Variants in TTLL4 observed in about 807,000 individuals in gnomAD.
TTLL4 encodes tubulin tyrosine ligase like 4.
In TTLL4, 85 loss-of-function variants were observed where a neutral mutation model predicts 122.7. The observed-to-expected ratio is 0.69, with a 90% confidence interval of 0.58 to 0.83. The LOEUF is 0.83. Among genes scored for constraint, TTLL4 ranks in the 40% least tolerant of loss-of-function variants. TTLL4 has a pLI of 0.00. For synonymous variants in TTLL4, 553 were observed against 563.0 expected, an observed-to-expected ratio of 0.98 and a Z score of 0.25; for missense variants, 1,363 against 1,488.6, an observed-to-expected ratio of 0.92 and a Z score of 1.39.
chr2:218,753,334 G>A, intron 18 of TTLL4, 149 bp downstream of exon 18: 1 of 985,544 alleles, frequency 1.0e-6, no homozygotes, highest in South Asian at 1.4e-5. Context: ...TCCTTTCAAG[G>A]GAATAGTTGC....
Position 218,744,603 on chromosome 2 carries a change from A to G in TTLL4, c.1662-506A>G, listed in dbSNP as rs1207472431. 7.2e-5 allele frequency among the ~76,000 whole-genome samples: 11 copies of G among 152,240 alleles called. No individual in the cohort carries two copies. In the East Asian group the frequency reaches 1.9e-3, roughly 27 times the overall value. On this transcript the variant is annotated intron_variant, in intron 5 of 19. Transcript: ENST00000392102. ...CATGAATCTTTAGATGAACCTAAAT[A>G]TAAAATGAACTGGAAGTATCACTGT...
At chr2:218,726,672 G>C (rs1942207204) in intron 1 of TTLL4, among the ~76,000 whole-genome samples, 1 of 152,122 alleles carries the variant, frequency 6.6e-6, no homozygotes, top group Non-Finnish European at 1.5e-5. Flanking sequence ...TCACTGTCTT[G>C]GCCAGGCTGG....
chr2:218,717,696 C>T (rs1378246691), intron 1 of TTLL4, among the ~76,000 whole-genome samples: 1 of 152,166 alleles, frequency 6.6e-6, no homozygotes, highest in Non-Finnish European at 1.5e-5. Context: ...GCTCCTCCAC[C>T]TTTCCTTAGG....
intron 12 of TTLL4, 85 bp downstream of exon 12, chr2:218,748,312 A>G: frequency 6.4e-7 from 1 of 1,556,382 alleles, no homozygotes; most frequent in Non-Finnish European, 8.7e-7. Flanking sequence ...GGGCATGGCG[A>G]GTGGAGGATT....
In TTLL4 at chr2:218,749,393, T is replaced by C. The variant is rs1423018218; in HGVS notation, c.2735+6T>C. 1 of 1,613,968 alleles carries C rather than the reference T, an allele frequency of 6.2e-7. No homozygotes were observed. Among genetic ancestry groups the C allele is most frequent in the Non-Finnish European group, 8.5e-7 (1 of 1,180,002 alleles). ...GAAGTCAACATTTCCCCAAGGTAGG[T>C]GGTATTCTCAGGACACTCACCATAG... On this transcript the variant is annotated splice_donor_region_variant and intron_variant, in intron 14 of 19. Transcript: ENST00000392102.
At chr2:218,729,748 T>TTAA (rs772940886) in intron 2 of TTLL4, among the ~76,000 whole-genome samples, 2 of 78,736 alleles carry the variant, frequency 2.5e-5, no homozygotes, top group African/African-American at 1.0e-4. Flanking sequence ...TCTCTCTTTT[T>TTAA]AAAAAAAAAA....
At chr2:218,730,845 C>T (rs1158338157) in intron 2 of TTLL4, among the ~76,000 whole-genome samples, 1 of 152,050 alleles carries the variant, frequency 6.6e-6, no homozygotes, top group Non-Finnish European at 1.5e-5. Flanking sequence ...TGGCTCATGC[C>T]TATAATCCCA....
At chr2:218,715,578 A>G (rs1332693683) in intron 1 of TTLL4, among the ~76,000 whole-genome samples, 2 of 152,218 alleles carry the variant, frequency 1.3e-5, no homozygotes, top group East Asian at 1.9e-4. Flanking sequence ...AACACAATGC[A>G]TCTAAACATT....
Position 218,717,891 on chromosome 2 carries a change from C to T in TTLL4, c.-178+6854C>T, listed in dbSNP as rs551333094. Reference sequence around the variant, plus strand: ...TCGGCTCACTGCAAGCTCCGCCTCCCGGGTTCAGGCCATTCTCCTGCCTCA... The same window carrying T: ...TCGGCTCACTGCAAGCTCCGCCTCCTGGGTTCAGGCCATTCTCCTGCCTCA... On this transcript the variant is annotated intron_variant, in intron 1 of 19. Transcript: ENST00000392102. Among the ~76,000 whole-genome samples the T allele has an allele frequency of 2.6e-5, 4 of 152,166 alleles. 1 individual carries two copies. The highest frequency in any genetic ancestry group is 4.2e-4 in the South Asian group (2 of 4,808).
chr2:218,748,976 C>G (rs888976281), intron 13 of TTLL4, 42 bp downstream of exon 13: 1 of 1,592,942 alleles, frequency 6.3e-7, no homozygotes, highest in South Asian at 1.1e-5. Context: ...CTGCTGCTGA[C>G]CCCCTCCTTT....
chr2:218,752,936 C>A lies in TTLL4; in HGVS notation c.3150C>A (p.Thr1050=). The part of the protein sequence containing the change: ...EQPRYFNILT[T]QWEQKYHGNK... Reference sequence around the variant, plus strand: ...CACGATATTTCAACATTCTCACCACCCAATGGGAACAGAAATACCATGGCA... The same window carrying A: ...CACGATATTTCAACATTCTCACCACACAATGGGAACAGAAATACCATGGCA... The change falls in exon 17 of 20, where the codon ACC becomes ACA. Residue 1050 remains threonine, a synonymous_variant. Transcript: ENST00000392102. The A allele has an allele frequency of 6.2e-7, 1 of 1,614,164 alleles. No individual in the cohort carries two copies. Among genetic ancestry groups the A allele is most frequent in the Non-Finnish European group, 8.5e-7 (1 of 1,180,032 alleles).
At chr2:218,746,096 C>T in intron 7 of TTLL4, 59 bp from the exon 8 acceptor site, 1 of 1,599,378 alleles carries the variant, frequency 6.3e-7, no homozygotes, top group Non-Finnish European at 8.6e-7. Context: ...GCCTCTGGGC[C>T]TCTCTCTGTC....
chr2:218,738,368 C>A lies in TTLL4; in HGVS notation c.692C>A (p.Pro231His), dbSNP rs749024490. The stretch of plus-strand genomic sequence containing the variant: ...ATGTGGCCAAATAGCACGCCAGTGC[C>A]TTTATTGCAGACCACACAGGGCCTG... ...SFMWPNSTPV[P>H]LLQTTQGLKP... The change falls in exon 3 of 20, where the codon CCT (proline) becomes CAT (histidine). Residue 231 changes from proline (P) to histidine (H), a missense_variant. Around this residue, in one of 3 missense-constraint regions of TTLL4, gnomAD observed 760 missense variants for 808.4 expected, o/e 0.94. Coordinates refer to ENST00000392102, the MANE Select transcript of TTLL4 (RefSeq NM_014640.5). 1 of 1,614,160 alleles carries A rather than the reference C, an allele frequency of 6.2e-7. No individual in the cohort carries two copies. The highest frequency in any genetic ancestry group is 1.7e-5 in the Admixed American group (1 of 60,032).
chr2:218,755,963 A>G (rs1396398421), downstream of TTLL4, among the ~76,000 whole-genome samples: 1 of 152,162 alleles, frequency 6.6e-6, no homozygotes, highest in African/African-American at 2.4e-5. Context: ...CCTGGGCATC[A>G]TTGGCTGCTC....
At chr2:218,727,095 C>T (rs145222889) in intron 1 of TTLL4, among the ~76,000 whole-genome samples, 174 bp from the exon 2 acceptor site, 3 of 152,332 alleles carry the variant, frequency 2.0e-5, no homozygotes, top group African/African-American at 7.2e-5. Context: ...AGGTGTGAGC[C>T]ACTGTGCCCA....
At chr2:218,745,266 GC>G (rs1480904295) in intron 6 of TTLL4, 33 bp downstream of exon 6, 7 of 1,612,506 alleles carry the variant, frequency 4.3e-6, no homozygotes, top group East Asian at 2.2e-5. Flanking sequence ...GCCCAGAAGA[GC>G]CCCCGGGGAG....
At chr2:218,714,968 T>C (rs1941816688) in intron 1 of TTLL4, among the ~76,000 whole-genome samples, 1 of 152,208 alleles carries the variant, frequency 6.6e-6, no homozygotes, top group Admixed American at 6.5e-5. Flanking sequence ...ATTACTAACA[T>C]GAATAACATT....
intron 8 of TTLL4, chr2:218,746,751 T>C (rs953531165): frequency 4.0e-5 from 21 of 524,836 alleles, no homozygotes; most frequent in African/African-American, 3.8e-4. Flanking sequence ...GATAAAGATG[T>C]AATAGCTTTT....
intron 2 of TTLL4, among the ~76,000 whole-genome samples, chr2:218,734,148 A>G (rs1942453183): frequency 6.6e-6 from 1 of 152,178 alleles, no homozygotes; most frequent in Non-Finnish European, 1.5e-5. Context: ...CTTATTGGTT[A>G]TTTAATTATA....
Sources: allele counts gnomAD v4.1 joint callset (sites outside exome capture counted in the v4.1 genomes callset), GRCh38; gene constraint gnomAD v4.1.1; regional missense constraint gnomAD v4.1.1; transcripts MANE v1.5; gene names NCBI Gene and HGNC (gene_info 2026-07-23, HGNC 2026-07-21).